UXS1: variants seen among roughly 807,000 people sequenced by gnomAD.
UXS1 encodes the protein UDP-glucuronate decarboxylase 1.
A neutral mutation model predicts 62.6 loss-of-function variants in UXS1; 33 were observed. That is an observed-to-expected ratio of 0.53 (90% confidence interval 0.40 to 0.70). The LOEUF (loss-of-function observed/expected upper bound fraction) is 0.70, where lower values mean the gene tolerates loss of function less well. Ranked by LOEUF, UXS1 falls within the 30% of genes least tolerant of loss-of-function variation. The probability of loss-of-function intolerance (pLI) is 0.00; values close to 1 mark genes in which losing one functional copy is unlikely to be tolerated. For synonymous variants in UXS1, 213 were observed against 206.8 expected, an observed-to-expected ratio of 1.03 and a Z score of -0.26; for missense variants, 434 against 556.3, an observed-to-expected ratio of 0.78 and a Z score of 2.21.
chr2:106,111,582 A>G (rs1353672228), intron 10 of UXS1, among the ~76,000 whole-genome samples: 2 of 152,186 alleles, frequency 1.3e-5, no homozygotes, highest in Non-Finnish European at 2.9e-5. Flanking sequence ...CCAGGCTACC[A>G]CTGTGTGGCC....
rs560638531 is a variant in UXS1 at position 106,172,681 on chromosome 2, C to T, written c.95-6598G>A. On this transcript the variant is annotated intron_variant, in intron 1 of 14. Coordinates refer to ENST00000283148, the MANE Select transcript of UXS1 (RefSeq NM_001253875.2). ...CTTCAGACCTGCTGAATCAGAATCT[C>T]TACAGAGGCCTCCCAGCAGCTGTAT... 2.1e-3 allele frequency among the ~76,000 whole-genome samples: 323 copies of T among 152,272 alleles called. 3 individuals are homozygous for T. Among genetic ancestry groups the T allele is most frequent in the African/African-American group, 7.0e-3 (289 of 41,548 alleles).
chr2:106,192,923 T>C (rs528235745), intron 1 of UXS1, among the ~76,000 whole-genome samples: 224 of 152,300 alleles, frequency 1.5e-3, no homozygotes, highest in African/African-American at 5.2e-3. Context: ...ATAATAGTTA[T>C]TCAACTTTAA....
chr2:106,144,272 G>A (rs192960091), intron 6 of UXS1, among the ~76,000 whole-genome samples: 204 of 152,226 alleles, frequency 1.3e-3, no homozygotes, highest in African/African-American at 4.5e-3. Flanking sequence ...ATAATTAAAC[G>A]TTTAAAAATG....
At chr2:106,151,128 G>A (rs1395555087) in intron 5 of UXS1, among the ~76,000 whole-genome samples, 1 of 152,190 alleles carries the variant, frequency 6.6e-6, no homozygotes, top group Non-Finnish European at 1.5e-5. Flanking sequence ...AGCTGAAGGG[G>A]AATTTGCCTT....
At chr2:106,102,765 T>G (rs1558676077) in intron 11 of UXS1, 1 of 152,148 alleles carries the variant, frequency 6.6e-6, no homozygotes, top group Non-Finnish European at 1.5e-5. Context: ...CCTAAAAAAT[T>G]GCTTGTGAAA....
At chr2:106,130,732 G>A (rs116125801) in intron 6 of UXS1, among the ~76,000 whole-genome samples, 203 of 152,336 alleles carry the variant, frequency 1.3e-3, no homozygotes, top group African/African-American at 4.3e-3. Context: ...CAAGCCTTGA[G>A]CCACAGCAGG....
chr2:106,138,373 A>G, intron 6 of UXS1: 1 of 985,558 alleles, frequency 1.0e-6, no homozygotes, highest in African/African-American at 1.7e-5. Context: ...GAGCTCACTG[A>G]GCACAAGATG....
At chr2:106,172,884 T>G (rs919653250) in intron 1 of UXS1, among the ~76,000 whole-genome samples, 1 of 152,148 alleles carries the variant, frequency 6.6e-6, no homozygotes, top group African/African-American at 2.4e-5. Flanking sequence ...CTCAGGGCCT[T>G]TGCACTTACA....
chr2:106,153,207 G>A (rs1682170268), intron 5 of UXS1, among the ~76,000 whole-genome samples: 1 of 152,218 alleles, frequency 6.6e-6, no homozygotes, highest in Non-Finnish European at 1.5e-5. Flanking sequence ...AAATCTCAAA[G>A]ACTGGTCTCA....
At chr2:106,171,310 CTGAG>C (rs1055491626) in intron 1 of UXS1, among the ~76,000 whole-genome samples, 6 of 151,716 alleles carry the variant, frequency 4.0e-5, no homozygotes, top group African/African-American at 1.5e-4. Flanking sequence ...TTCATAATCT[CTGAG>C]TCTAACTTGA....
At chr2:106,149,548 G>A (rs575164863) in intron 5 of UXS1, among the ~76,000 whole-genome samples, 1 of 152,098 alleles carries the variant, frequency 6.6e-6, no homozygotes, top group Admixed American at 6.5e-5. Flanking sequence ...CATCCACTAC[G>A]TGATGACATA....
intron 12 of UXS1, 45 bp downstream of exon 12, chr2:106,101,013 G>GA (rs1558673862): frequency 6.2e-7 from 1 of 1,611,042 alleles, no homozygotes; most frequent in Non-Finnish European, 8.5e-7. Flanking sequence ...ACAAATGAAC[G>GA]AAAGTCTGAG....
intron 10 of UXS1, 91 bp from the exon 11 acceptor site, chr2:106,104,928 T>G: frequency 2.0e-6 from 3 of 1,502,328 alleles, no homozygotes; most frequent in Non-Finnish European, 2.8e-6. Flanking sequence ...AGTCCGACCT[T>G]GAAACTGATC....
chr2:106,129,419 C>T (rs1269418697), intron 7 of UXS1, among the ~76,000 whole-genome samples: 3 of 152,208 alleles, frequency 2.0e-5, no homozygotes, highest in African/African-American at 4.8e-5. Flanking sequence ...AGGGGATCTG[C>T]ACCAGGGTGC....
intron 1 of UXS1, among the ~76,000 whole-genome samples, chr2:106,185,325 G>A (rs538199877): frequency 6.8e-4 from 103 of 152,286 alleles, no homozygotes; most frequent in African/African-American, 2.3e-3. Flanking sequence ...TGGGAAAATT[G>A]TTGAAAATAA....
intron 12 of UXS1, among the ~76,000 whole-genome samples, chr2:106,099,396 A>G (rs1276953405): frequency 6.6e-6 from 1 of 152,156 alleles, no homozygotes; most frequent in Admixed American, 6.5e-5. Flanking sequence ...CCCTCATCAT[A>G]AGAGACCACC....
chr2:106,162,715 T>C (rs1335518922), intron 4 of UXS1, among the ~76,000 whole-genome samples: 1 of 152,234 alleles, frequency 6.6e-6, no homozygotes, highest in Non-Finnish European at 1.5e-5. Context: ...TGTTAAAAAT[T>C]ACTGACAACT....
At chr2:106,178,954 G>C (rs12470598) in intron 1 of UXS1, among the ~76,000 whole-genome samples, 3 of 152,206 alleles carry the variant, frequency 2.0e-5, no homozygotes, top group African/African-American at 4.8e-5. Flanking sequence ...GGACAGCAGG[G>C]CGGTGTTGAT....
At chr2:106,094,839 GAGA>G (rs1460617567) in intron 14 of UXS1, among the ~76,000 whole-genome samples, 2 of 152,234 alleles carry the variant, frequency 1.3e-5, no homozygotes, top group Non-Finnish European at 2.9e-5. Flanking sequence ...ACCACTGGGG[GAGA>G]AGGTCTGTCA....
Sources: allele counts gnomAD v4.1 joint callset (sites outside exome capture counted in the v4.1 genomes callset), GRCh38; gene constraint gnomAD v4.1.1; transcripts MANE v1.5; gene names NCBI Gene and HGNC (gene_info 2026-07-23, HGNC 2026-07-21).